NAALADL2: variants seen among roughly 807,000 people sequenced by gnomAD.
NAALADL2 encodes the protein inactive N-acetylated-alpha-linked acidic dipeptidase-like protein 2.
NAALADL2 carries 76 observed loss-of-function variants against 87.2 expected under a neutral mutation model. The observed-to-expected ratio is 0.87, with a 90% CI of 0.72 to 1.05. The LOEUF is 1.05. NAALADL2 is among the 50% of genes least tolerant of loss of function. The pLI is 0.00. For synonymous variants in NAALADL2, 354 were observed against 331.0 expected (o/e 1.07, Z -0.75); for missense variants, 1,089 against 945.8 (o/e 1.15, Z -1.99).
chr3:174,840,449 T>A (rs559032575), intron 3 of NAALADL2, among the ~76,000 whole-genome samples: 21 of 152,240 alleles, frequency 1.4e-4, no homozygotes, highest in African/African-American at 5.1e-4. Flanking sequence ...TAAAAATTAG[T>A]TGACACATTA....
intron 11 of NAALADL2, among the ~76,000 whole-genome samples, chr3:175,679,858 A>T (rs749750384): frequency 6.6e-4 from 100 of 152,316 alleles, no homozygotes; most frequent in Non-Finnish European, 1.2e-3. Context: ...GAAGAGTATA[A>T]CAAATAAGCA....
intron 6 of NAALADL2, among the ~76,000 whole-genome samples, chr3:175,448,178 T>A (rs954107840): frequency 2.0e-5 from 3 of 152,254 alleles, no homozygotes; most frequent in African/African-American, 4.8e-5. Context: ...ATTTCTCTGT[T>A]AGGGACATAT....
intron 1 of NAALADL2, among the ~76,000 whole-genome samples, chr3:175,082,426 AAT>A (rs1718053866): frequency 6.6e-6 from 1 of 152,214 alleles, no homozygotes; most frequent in African/African-American, 2.4e-5. Flanking sequence ...ATTTTCTAAG[AAT>A]ATATGAATTC....
chr3:174,748,844 TTTC>T (rs1253505576), intron 3 of NAALADL2, among the ~76,000 whole-genome samples: 1 of 152,188 alleles, frequency 6.6e-6, no homozygotes, highest in Non-Finnish European at 1.5e-5. Context: ...TTACCAACAT[TTTC>T]TTATTTGCTT....
At chr3:174,458,360 A>G (rs1294906458) in intron 1 of NAALADL2, among the ~76,000 whole-genome samples, 1 of 152,150 alleles carries the variant, frequency 6.6e-6, no homozygotes, top group Non-Finnish European at 1.5e-5. Flanking sequence ...TCCTCTCTCT[A>G]AAATGGGAAT....
rs77075190 is a variant in NAALADL2 at position 175,777,565 on chromosome 3, G to A, written c.2189+22147G>A. 9.2e-5 allele frequency among the ~76,000 whole-genome samples: 14 copies of A among 152,162 alleles called. No homozygotes were observed. The East Asian group carries it at 2.3e-3, about 25-fold the overall frequency. The stretch of plus-strand genomic sequence containing the variant: ...AAACCTGGAGAAATACACAATGAAC[G>A]AGAAACTCGTGTTCTTCAAGAGCTT... On this transcript the variant is annotated intron_variant, in intron 13 of 13. Transcript: ENST00000454872.
intron 1 of NAALADL2, among the ~76,000 whole-genome samples, chr3:175,009,946 G>A (rs908259000): frequency 9.2e-5 from 14 of 151,870 alleles, no homozygotes; most frequent in Non-Finnish European, 1.9e-4. Flanking sequence ...ACAAAATCAC[G>A]CTGAAGTAAT....
At chr3:175,175,063 AAGT>A (rs1021230413) in intron 2 of NAALADL2, among the ~76,000 whole-genome samples, 5 of 151,818 alleles carry the variant, frequency 3.3e-5, no homozygotes, top group Admixed American at 1.3e-4. Flanking sequence ...AAAATTTCAT[AAGT>A]AGAGATTATA....
chr3:175,191,265 A>T (rs567380209), intron 2 of NAALADL2, among the ~76,000 whole-genome samples: 2 of 152,156 alleles, frequency 1.3e-5, no homozygotes, highest in African/African-American at 4.8e-5. Flanking sequence ...TTTTTAAAAA[A>T]TCCCAAATAT....
chr3:174,759,027 T>C (rs1712528072), intron 3 of NAALADL2, among the ~76,000 whole-genome samples: 1 of 152,354 alleles, frequency 6.6e-6, no homozygotes, highest in Non-Finnish European at 1.5e-5. Context: ...TAGTTAAGAT[T>C]GAAGTAGTTT....
intron 11 of NAALADL2, among the ~76,000 whole-genome samples, chr3:175,685,809 G>GTC (rs2149897275): frequency 6.6e-6 from 1 of 152,280 alleles, no homozygotes; most frequent in East Asian, 1.9e-4. Context: ...CTTACTTGAG[G>GTC]AAGAGTCAGT....
intron 3 of NAALADL2, among the ~76,000 whole-genome samples, chr3:175,241,402 G>A (rs1746847746): frequency 1.3e-5 from 2 of 152,016 alleles, no homozygotes; most frequent in Middle Eastern, 3.4e-3. Context: ...TGTATTTTTA[G>A]TAGGGATGGG....
At chr3:175,641,009 CA>C (rs1249162166) in intron 11 of NAALADL2, among the ~76,000 whole-genome samples, 2 of 152,168 alleles carry the variant, frequency 1.3e-5, no homozygotes, top group South Asian at 2.1e-4. Flanking sequence ...CTATGAAAGT[CA>C]GGGGTAAAAA....
intron 2 of NAALADL2, among the ~76,000 whole-genome samples, chr3:175,169,890 A>G (rs1281903245): frequency 2.0e-5 from 3 of 151,884 alleles, no homozygotes; most frequent in Non-Finnish European, 2.9e-5. Flanking sequence ...ACAATTTAAC[A>G]TCGTTTTAAA....
chr3:174,762,053 A>G (rs1713047275), intron 3 of NAALADL2, among the ~76,000 whole-genome samples: 2 of 152,026 alleles, frequency 1.3e-5, no homozygotes, highest in Admixed American at 1.3e-4. Flanking sequence ...CCAAATCCAT[A>G]GTTACATATA....
chr3:174,932,221 A>T (rs1280106129), intron 1 of NAALADL2, among the ~76,000 whole-genome samples: 1 of 152,168 alleles, frequency 6.6e-6, no homozygotes, highest in East Asian at 1.9e-4. Context: ...ATTACCAGCT[A>T]GGATATCTCT....
intron 9 of NAALADL2, among the ~76,000 whole-genome samples, chr3:175,531,617 T>C (rs1196441439): frequency 6.6e-6 from 1 of 152,152 alleles, no homozygotes; most frequent in Non-Finnish European, 1.5e-5. Flanking sequence ...ACAGTAAAGG[T>C]ATATTTCTGG....
intron 1 of NAALADL2, among the ~76,000 whole-genome samples, chr3:174,939,506 A>G (rs1738243966): frequency 6.6e-6 from 1 of 152,030 alleles, no homozygotes; most frequent in African/African-American, 2.4e-5. Flanking sequence ...TTGGTTCCAT[A>G]TGAATTTTAA....
intron 3 of NAALADL2, among the ~76,000 whole-genome samples, chr3:174,772,843 A>G (rs544477): frequency 0.53 from 80,617 of 151,972 alleles, 21,752 homozygotes; most frequent in Middle Eastern, 0.64. Context: ...CTAAAGTGCA[A>G]TCTGACAGAG....
Sources: gnomAD v4.1 joint callset for allele counts (sites outside exome capture counted in the v4.1 genomes callset) on GRCh38, gnomAD v4.1.1 for gene constraint, MANE v1.5 for transcripts, NCBI Gene and HGNC (gene_info 2026-07-23, HGNC 2026-07-21) for gene names.